Variants in HTR2C observed in about 807,000 individuals in gnomAD.
The protein encoded by HTR2C is 5-hydroxytryptamine (serotonin) receptor 2C, G protein-coupled.
HTR2C carries 5 observed loss-of-function variants against 21.0 expected under a neutral mutation model. That is an observed-to-expected ratio of 0.24 (90% CI 0.12 to 0.50). The LOEUF (loss-of-function observed/expected upper bound fraction) is 0.50, where lower values mean the gene tolerates loss of function less well. Ranked by LOEUF, HTR2C falls within the 20% of genes least tolerant of loss-of-function variation. The pLI is 0.98. For synonymous variants in HTR2C, 150 were observed against 145.3 expected, an observed-to-expected ratio of 1.03 and a Z score of -0.23; for missense variants, 271 against 371.2, an observed-to-expected ratio of 0.73 and a Z score of 2.22.
At chrX:114,692,576 A>AT (rs200666432) in intron 2 of HTR2C, among the ~76,000 whole-genome samples, 17 of 108,755 alleles carry the variant, frequency 1.6e-4, no homozygotes, top group Non-Finnish European at 2.9e-4. Context: ...TATTCTTTAC[A>AT]TTTTTTTTTG....
At chrX:114,880,694 C>T (rs1414533218) in intron 5 of HTR2C, among the ~76,000 whole-genome samples, 10 of 111,078 alleles carry the variant, frequency 9.0e-5, no homozygotes, top group African/African-American at 1.9e-4. Context: ...TGTAGTCTTA[C>T]GTGATTGGCA....
At chrX:114,681,486 C>T (rs1318448014) in intron 2 of HTR2C, among the ~76,000 whole-genome samples, 1 of 110,907 alleles carries the variant, frequency 9.0e-6, no homozygotes, top group Non-Finnish European at 1.9e-5. Context: ...CCTAGATCAA[C>T]TAGTGGCAGA....
intron 4 of HTR2C, among the ~76,000 whole-genome samples, chrX:114,764,201 C>T (rs2069912116): frequency 9.1e-6 from 1 of 110,472 alleles, no homozygotes; most frequent in African/African-American, 3.3e-5. Context: ...GAGTTCGAGA[C>T]CAGCCTGACC....
chrX:114,815,965 G>C (rs1238136453), intron 4 of HTR2C, among the ~76,000 whole-genome samples: 1 of 110,126 alleles, frequency 9.1e-6, no homozygotes, highest in African/African-American at 3.3e-5. Context: ...CAAATCTCTT[G>C]CTTCCTCCAA....
At chrX:114,870,460 C>A (rs782464570) in intron 5 of HTR2C, among the ~76,000 whole-genome samples, 21 of 111,374 alleles carry the variant, frequency 1.9e-4, no homozygotes, top group Admixed American at 1.2e-3. Context: ...TGGCAGTACT[C>A]CCTCCTCTAT....
intron 2 of HTR2C, among the ~76,000 whole-genome samples, chrX:114,696,399 A>C (rs994515747): frequency 9.0e-5 from 10 of 111,729 alleles, no homozygotes; most frequent in Non-Finnish European, 1.9e-4. Context: ...GATGCTTCAA[A>C]TTTACCGAGA....
At chrX:114,733,040 A>G (rs1009041986) in intron 4 of HTR2C, among the ~76,000 whole-genome samples, 4 of 112,056 alleles carry the variant, frequency 3.6e-5, no homozygotes, top group Non-Finnish European at 3.8e-5. Context: ...GTTGCGTAGA[A>G]GAAGAGTAGT....
At position 114,601,416 on chromosome X, in the gene HTR2C, T is replaced by C. The variant is rs782718426; in HGVS notation, c.-146-12399T>C. ...GTGGGGCTGTTTTATAGGATTTGGGTAGGTAAAGGAAAATTACAGTCAAAG... is the reference window on the plus strand; with the variant it reads ...GTGGGGCTGTTTTATAGGATTTGGGCAGGTAAAGGAAAATTACAGTCAAAG... On this transcript the variant is annotated intron_variant, in intron 1 of 5. Transcript: ENST00000276198. 3.8e-4 allele frequency among the ~76,000 whole-genome samples: 40 copies of C among 106,450 alleles called. No homozygotes were observed. In the South Asian group the frequency reaches 5.7e-3, roughly 15 times the overall value. 92.4% of individuals were successfully genotyped at this position (106,450 alleles called of 115,157 possible).
chrX:114,618,005 TATAAG>T (rs1556400663), intron 2 of HTR2C, among the ~76,000 whole-genome samples: 3 of 112,368 alleles, frequency 2.7e-5, no homozygotes, highest in African/African-American at 3.2e-5. Flanking sequence ...ACCTGAACTT[TATAAG>T]ATATTTCCAC....
chrX:114,603,877 T>A, intron 1 of HTR2C, among the ~76,000 whole-genome samples: 1 of 102,043 alleles, frequency 9.8e-6, no homozygotes, highest in East Asian at 3.1e-4. Context: ...GCAAAACAAT[T>A]TGGTTGATAA....
intron 2 of HTR2C, among the ~76,000 whole-genome samples, chrX:114,726,479 C>T (rs1424930275): frequency 6.2e-5 from 7 of 112,612 alleles, no homozygotes; most frequent in South Asian, 3.7e-4. Flanking sequence ...CCTTCTTCTG[C>T]GTCGCTCACG....
intron 4 of HTR2C, among the ~76,000 whole-genome samples, chrX:114,812,072 A>G (rs963647935): frequency 1.8e-5 from 2 of 109,745 alleles, no homozygotes; most frequent in African/African-American, 6.7e-5. Flanking sequence ...TGTTTTAGCT[A>G]TTTTTCCTAA....
At chrX:114,689,407 C>CT (rs1932039073) in intron 2 of HTR2C, among the ~76,000 whole-genome samples, 1 of 109,374 alleles carries the variant, frequency 9.1e-6, no homozygotes, top group South Asian at 3.9e-4. Flanking sequence ...AGTAGTTCTA[C>CT]TTTCAGTTCT....
rs1214859223 is a variant in HTR2C at position 114,875,658 on chromosome X, CT to C, written c.550+27456del. Among the ~76,000 whole-genome samples, 118 of 110,936 alleles carry C rather than the reference CT, an allele frequency of 1.1e-3. 1 individual carries two copies. Among genetic ancestry groups the C allele is most frequent in the East Asian group, 2.6e-3 (9 of 3,514 alleles). The stretch of plus-strand genomic sequence containing the variant: ...ACCACCGTTTATTGAAGAGAGAACC[CT>C]GTCCCCATTATGTATTTTTTATGCC... On this transcript the variant is annotated intron_variant, in intron 5 of 5. Coordinates refer to ENST00000276198, the MANE Select transcript of HTR2C (RefSeq NM_000868.4).
chrX:114,613,185 C>T (rs1449293255), intron 1 of HTR2C, among the ~76,000 whole-genome samples: 4 of 111,083 alleles, frequency 3.6e-5, no homozygotes, highest in Non-Finnish European at 5.7e-5. Context: ...GTGATCCGCC[C>T]ACCTCGGCCT....
At chrX:114,612,017 T>A (rs1189041144) in intron 1 of HTR2C, among the ~76,000 whole-genome samples, 2 of 110,373 alleles carry the variant, frequency 1.8e-5, no homozygotes, top group Non-Finnish European at 3.8e-5. Context: ...ATCCAAGTTA[T>A]TTTTCACTCA....
intron 2 of HTR2C, among the ~76,000 whole-genome samples, chrX:114,725,960 G>A (rs1487044944): frequency 1.8e-5 from 2 of 109,570 alleles, no homozygotes; most frequent in Non-Finnish European, 3.8e-5. Context: ...GGTTACTGCT[G>A]TCTTTTTGTT....
chrX:114,593,538 G>T (rs1335687969), intron 1 of HTR2C, among the ~76,000 whole-genome samples: 1 of 111,891 alleles, frequency 8.9e-6, no homozygotes, highest in Non-Finnish European at 1.9e-5. Flanking sequence ...ATGGAACAAA[G>T]ATTATAATTT....
chrX:114,821,743 GTTTAC>G lies in HTR2C; in HGVS notation c.350-26255_350-26251del, dbSNP rs782523719. Reference sequence around the variant, plus strand: ...GCAGTATTCAAAAATATATTTTACAGTTTACTTTAGTTTTTAGTGAACATTAGAAT... The same window carrying G: ...GCAGTATTCAAAAATATATTTTACAGTTTAGTTTTTAGTGAACATTAGAAT... On this transcript the variant is annotated intron_variant, in intron 4 of 5. Coordinates refer to ENST00000276198, the MANE Select transcript of HTR2C (RefSeq NM_000868.4). Among the ~76,000 whole-genome samples the G allele has an allele frequency of 1.6e-3, 182 of 111,503 alleles. 2 individuals carry two copies. The highest frequency in any genetic ancestry group is 0.01 in the Admixed American group (109 of 10,401).
Sources: allele counts gnomAD v4.1 joint callset (sites outside exome capture counted in the v4.1 genomes callset), GRCh38; gene constraint gnomAD v4.1.1; transcripts MANE v1.5; gene names NCBI Gene and HGNC (gene_info 2026-07-23, HGNC 2026-07-21).